The following GRM5 variants were observed in gnomAD, a reference collection of about 807,000 sequenced individuals.
GRM5 encodes the protein metabotropic glutamate receptor 5.
In GRM5, 19 loss-of-function variants were observed where a neutral mutation model predicts 83.1. The ratio of observed to expected loss-of-function variants is 0.23; its 90% CI spans 0.16 to 0.34. The LOEUF is 0.34. Ranked by LOEUF, GRM5 falls within the 10% of genes least tolerant of loss-of-function variation. GRM5 has a pLI of 1.00. For missense variants in GRM5, 1,160 were observed against 1,588.3 expected (o/e 0.73, Z 4.58); for synonymous variants, 675 against 633.6 (o/e 1.07, Z -0.98).
chr11:88,923,580 T>C (rs1402823141), intron 2 of GRM5, among the ~76,000 whole-genome samples: 1 of 151,640 alleles, frequency 6.6e-6, no homozygotes, highest in Non-Finnish European at 1.5e-5. Flanking sequence ...AAAAGGGGGG[T>C]GGTTAATAAG....
intron 3 of GRM5, among the ~76,000 whole-genome samples, chr11:88,812,698 A>C (rs1565242698): frequency 6.6e-6 from 1 of 152,170 alleles, no homozygotes; most frequent in Non-Finnish European, 1.5e-5. Context: ...ATGCAAAGAC[A>C]CCTATGAAAA....
At chr11:89,061,475 TA>T (rs1941991086) in intron 1 of GRM5, among the ~76,000 whole-genome samples, 1 of 152,232 alleles carries the variant, frequency 6.6e-6, no homozygotes, top group Non-Finnish European at 1.5e-5. Flanking sequence ...GTAGAATTAT[TA>T]AAATGCTTTA....
At chr11:88,787,509 T>C (rs1198022224) in intron 3 of GRM5, among the ~76,000 whole-genome samples, 1 of 152,078 alleles carries the variant, frequency 6.6e-6, no homozygotes. Context: ...GGAAATGGCA[T>C]GATTTCCTAT....
chr11:88,605,807 AT>A (rs1367378743), intron 4 of GRM5, among the ~76,000 whole-genome samples: 1 of 152,196 alleles, frequency 6.6e-6, no homozygotes, highest in Non-Finnish European at 1.5e-5. Context: ...GTTATTGATG[AT>A]TGATTTGACA....
At chr11:88,665,190 C>CACACACACACACAT (rs1252638242) in intron 3 of GRM5, among the ~76,000 whole-genome samples, 1 of 151,820 alleles carries the variant, frequency 6.6e-6, no homozygotes, top group Non-Finnish European at 1.5e-5. Context: ...CACACACACA[C>CACACACACACACAT]ATCCCTCTTG....
intron 3 of GRM5, among the ~76,000 whole-genome samples, chr11:88,711,792 C>T (rs1405251026): frequency 1.4e-5 from 1 of 70,574 alleles, no homozygotes; most frequent in Non-Finnish European, 3.2e-5. Flanking sequence ...GAATAAGGAA[C>T]AAAAGTTTAG....
intron 2 of GRM5, among the ~76,000 whole-genome samples, chr11:88,866,323 T>C (rs1388481786): frequency 6.6e-5 from 10 of 152,178 alleles, no homozygotes; most frequent in East Asian, 1.9e-4. Flanking sequence ...AAACACTGCA[T>C]GTTCTCGCTC....
intron 7 of GRM5, among the ~76,000 whole-genome samples, chr11:88,577,862 A>T (rs1943145226): frequency 6.6e-6 from 1 of 152,164 alleles, no homozygotes; most frequent in African/African-American, 2.4e-5. Flanking sequence ...CTGATAGTTC[A>T]GATGGGGAAT....
At chr11:88,822,542 A>G (rs1003335623) in intron 3 of GRM5, among the ~76,000 whole-genome samples, 1 of 152,230 alleles carries the variant, frequency 6.6e-6, no homozygotes, top group Admixed American at 6.5e-5. Flanking sequence ...TAGCATGTGC[A>G]AATACGGAGG....
intron 8 of GRM5, among the ~76,000 whole-genome samples, chr11:88,550,321 T>A (rs1482792308): frequency 6.6e-6 from 1 of 152,218 alleles, no homozygotes; most frequent in Non-Finnish European, 1.5e-5. Flanking sequence ...GAAATTGAAC[T>A]GTACCTGACC....
chr11:88,989,120 C>T (rs1311032246), intron 2 of GRM5, among the ~76,000 whole-genome samples: 1 of 150,912 alleles, frequency 6.6e-6, no homozygotes, highest in East Asian at 1.9e-4. Flanking sequence ...AAACCCATCT[C>T]ACGTGCAGAG....
intron 3 of GRM5, among the ~76,000 whole-genome samples, chr11:88,753,423 G>T (rs1691198121): frequency 1.3e-5 from 2 of 152,090 alleles, no homozygotes; most frequent in South Asian, 4.2e-4. Context: ...CAGTCAGTAT[G>T]GTGATTATTA....
intron 3 of GRM5, among the ~76,000 whole-genome samples, chr11:88,663,922 A>T (rs1939972187): frequency 6.6e-6 from 1 of 152,120 alleles, no homozygotes; most frequent in Non-Finnish European, 1.5e-5. Context: ...CTCACCTCCC[A>T]GTTTGTTTTA....
intron 4 of GRM5, among the ~76,000 whole-genome samples, chr11:88,636,382 T>A (rs945504210): frequency 2.6e-5 from 4 of 152,094 alleles, no homozygotes; most frequent in African/African-American, 9.7e-5. Flanking sequence ...CTTGGTGGTA[T>A]GCTCCTGTAA....
chr11:88,673,190 A>T (rs1256546256), intron 3 of GRM5, among the ~76,000 whole-genome samples: 1 of 152,072 alleles, frequency 6.6e-6, no homozygotes, highest in East Asian at 1.9e-4. Context: ...GGCCATTTCC[A>T]TAAGTCAGGT....
At chr11:88,640,695 C>T (rs958667647) in intron 4 of GRM5, among the ~76,000 whole-genome samples, 1 of 152,112 alleles carries the variant, frequency 6.6e-6, no homozygotes. Flanking sequence ...TACAGTGGCT[C>T]ACAAAACTCA....
At chr11:88,777,686 C>T (rs979259810) in intron 3 of GRM5, among the ~76,000 whole-genome samples, 2 of 152,172 alleles carry the variant, frequency 1.3e-5, no homozygotes, top group Admixed American at 1.3e-4. Flanking sequence ...TTCTAACAGT[C>T]AGGTCCCTCA....
At chr11:88,992,839 G>A (rs1940027721) in intron 2 of GRM5, among the ~76,000 whole-genome samples, 1 of 148,416 alleles carries the variant, frequency 6.7e-6, no homozygotes, top group South Asian at 2.2e-4. Context: ...GACATAGCAA[G>A]GGGAACATCA....
Position 88,590,762 on chromosome 11 carries a change from G to T in GRM5, c.1564-35C>A, listed in dbSNP as rs12284616. Reference sequence around the variant, plus strand: ...ATATTTGAAATTTAGATTTTTTTTTGCATAGATAAAAATCCAACAATTCTA... The same window carrying T: ...ATATTTGAAATTTAGATTTTTTTTTTCATAGATAAAAATCCAACAATTCTA... On this transcript the variant is annotated intron_variant, in intron 6 of 9. Transcript: ENST00000305447. 15,953 of 1,565,912 alleles carry T rather than the reference G, an allele frequency of 0.01. 1,426 individuals are homozygous for T. The African/African-American group carries it at 0.19, about 18-fold the overall frequency.
Sources: gnomAD v4.1 joint callset for allele counts (sites outside exome capture counted in the v4.1 genomes callset) on GRCh38, gnomAD v4.1.1 for gene constraint, MANE v1.5 for transcripts, NCBI Gene and HGNC (gene_info 2026-07-23, HGNC 2026-07-21) for gene names.